FUT8: variants seen among roughly 807,000 people sequenced by gnomAD.
FUT8 encodes alpha-(1,6)-fucosyltransferase.
Under a neutral mutation model 71.3 loss-of-function variants are expected in FUT8, and 29 were observed. The observed-to-expected ratio is 0.41, with a 90% CI of 0.30 to 0.55. FUT8 has a LOEUF of 0.55. Ranked by LOEUF, FUT8 falls within the 20% of genes least tolerant of loss-of-function variation. FUT8 has a pLI of 0.34. For missense variants in FUT8, 544 were observed against 702.1 expected, an observed-to-expected ratio of 0.77 and a Z score of 2.55; for synonymous variants, 254 against 239.3, an observed-to-expected ratio of 1.06 and a Z score of -0.57.
chr14:65,440,475 C>G (rs2065637049), intron 1 of FUT8, among the ~76,000 whole-genome samples: 1 of 151,398 alleles, frequency 6.6e-6, no homozygotes, highest in Admixed American at 6.6e-5. Context: ...GCCACCATGC[C>G]CAGCTAGAGA....
intron 1 of FUT8, among the ~76,000 whole-genome samples, chr14:65,439,624 T>C (rs2065611446): frequency 6.6e-6 from 1 of 152,116 alleles, no homozygotes; most frequent in Non-Finnish European, 1.5e-5. Context: ...TCTCAGTTAT[T>C]CAAACAAATT....
At chr14:65,437,875 G>A (rs2065584957) in intron 1 of FUT8, among the ~76,000 whole-genome samples, 2 of 152,156 alleles carry the variant, frequency 1.3e-5, no homozygotes, top group South Asian at 2.1e-4. Flanking sequence ...AGGAAGTAAT[G>A]TAGAAGTCTT....
At chr14:65,536,958 A>ATCT (rs997994740) in intron 2 of FUT8, among the ~76,000 whole-genome samples, 4 of 131,360 alleles carry the variant, frequency 3.0e-5, no homozygotes, top group African/African-American at 5.6e-5. Context: ...TTTGTTCTTC[A>ATCT]TCTTCTTCTT....
At chr14:65,690,635 C>T (rs1013233608) in intron 7 of FUT8, among the ~76,000 whole-genome samples, 3 of 150,992 alleles carry the variant, frequency 2.0e-5, no homozygotes, top group Non-Finnish European at 2.9e-5. Flanking sequence ...CTTTATCTCT[C>T]TCTCTCTCTC....
Position 65,669,628 on chromosome 14 carries a change from A to G in FUT8, c.835+148A>G. On this transcript the variant is annotated intron_variant, in intron 7 of 10. Transcript: ENST00000673929. The surrounding 1 kb of genome is among the most constrained non-coding windows in gnomAD (Gnocchi z 4.5). ...ACATTATCCAGATAAAATCTAGAAG[A>G]ACAGTATTTTATCTTAAAAGTATTT... is the stretch of plus-strand genomic sequence containing the variant. 1.9e-6 allele frequency: 1 copy of G among 539,724 alleles called. No individual in the cohort carries two copies. The highest frequency in any genetic ancestry group is 3.2e-6 in the Non-Finnish European group (1 of 308,312). 33.4% of individuals were successfully genotyped at this position (539,724 alleles called of 1,614,324 possible). A position where few individuals can be genotyped will look rare whatever the true frequency, so the allele number is the denominator to read the frequency against.
intron 1 of FUT8, among the ~76,000 whole-genome samples, chr14:65,441,979 G>T (rs910202540): frequency 1.3e-5 from 2 of 151,886 alleles, no homozygotes; most frequent in Non-Finnish European, 2.9e-5. Flanking sequence ...CCCGGTGTGT[G>T]ATGTTCCCCA....
intron 1 of FUT8, among the ~76,000 whole-genome samples, chr14:65,415,840 CG>C (rs2139360530): frequency 1.3e-5 from 2 of 152,212 alleles, no homozygotes; most frequent in Admixed American, 1.3e-4. Context: ...CCTTTGAATA[CG>C]AAGCAGTTGT....
In FUT8 at chr14:65,603,627, C is replaced by T. The variant is rs538831521; in HGVS notation, c.204-12351C>T. On this transcript the variant is annotated intron_variant, in intron 3 of 10. Coordinates refer to ENST00000673929, the MANE Select transcript of FUT8 (RefSeq NM_001371533.1). The surrounding 1 kb of genome is among the most constrained non-coding windows in gnomAD (Gnocchi z 4.5). Reference sequence around the variant, plus strand: ...CTAATTGAGCTTCTTTGGATCTTCTCTCTTCTTTTCTTGGTTAATCTTGCT... The same window carrying T: ...CTAATTGAGCTTCTTTGGATCTTCTTTCTTCTTTTCTTGGTTAATCTTGCT... Among the ~76,000 whole-genome samples the T allele has an allele frequency of 6.6e-5, 10 of 151,732 alleles. No individual in the cohort carries two copies. Among genetic ancestry groups the T allele is most frequent in the African/African-American group, 2.4e-4 (10 of 41,354 alleles).
chr14:65,617,389 A>T (rs1047022244), intron 5 of FUT8, among the ~76,000 whole-genome samples: 3 of 152,216 alleles, frequency 2.0e-5, no homozygotes, highest in Non-Finnish European at 2.9e-5. Context: ...AGACTTTTTG[A>T]TATATTTAGC....
intron 3 of FUT8, among the ~76,000 whole-genome samples, chr14:65,614,316 T>C (rs1366525848): frequency 1.3e-5 from 2 of 152,238 alleles, no homozygotes; most frequent in Non-Finnish European, 2.9e-5. Flanking sequence ...TAAGTACTTT[T>C]ACAGACATTT....
At chr14:65,678,453 A>C (rs1892872970) in intron 7 of FUT8, among the ~76,000 whole-genome samples, 1 of 152,216 alleles carries the variant, frequency 6.6e-6, no homozygotes, top group African/African-American at 2.4e-5. Flanking sequence ...TTTCTGGGAC[A>C]GGGTTGCCTT....
chr14:65,665,911 C>G (rs1892188879), intron 6 of FUT8, among the ~76,000 whole-genome samples: 1 of 152,008 alleles, frequency 6.6e-6, no homozygotes, highest in Non-Finnish European at 1.5e-5. Flanking sequence ...ATGGGCACCA[C>G]AGACACTGGG....
chr14:65,689,505 A>G (rs1015173560), intron 7 of FUT8, among the ~76,000 whole-genome samples: 3 of 152,080 alleles, frequency 2.0e-5, no homozygotes, highest in Non-Finnish European at 4.4e-5. Flanking sequence ...TCTCTTAACT[A>G]TGTCTCATAG....
At chr14:65,655,910 C>T (rs1333973887) in intron 6 of FUT8, among the ~76,000 whole-genome samples, 1 of 152,166 alleles carries the variant, frequency 6.6e-6, no homozygotes, top group Non-Finnish European at 1.5e-5. Context: ...AATTTAACTT[C>T]CCTTCATGAT....
chr14:65,677,114 T>TGTGTG (rs1892754524), intron 7 of FUT8, among the ~76,000 whole-genome samples: 1 of 110,216 alleles, frequency 9.1e-6, no homozygotes, highest in Non-Finnish European at 1.8e-5. Flanking sequence ...AAAGACATAT[T>TGTGTG]TGTGTGTGTG....
the FUT8 span, among the ~76,000 whole-genome samples, chr14:65,362,772 C>G: frequency 6.6e-6 from 1 of 151,608 alleles, no homozygotes; most frequent in Admixed American, 6.6e-5. Flanking sequence ...ACCATCCTGG[C>G]TAACATGGTG....
chr14:65,611,706 G>T (rs1434810410), intron 3 of FUT8, among the ~76,000 whole-genome samples: 1 of 151,906 alleles, frequency 6.6e-6, no homozygotes, highest in Non-Finnish European at 1.5e-5. Context: ...TGCCACCCCG[G>T]CTGGAGTTCA....
intron 2 of FUT8, among the ~76,000 whole-genome samples, chr14:65,523,520 A>G (rs567506347): frequency 2.3e-3 from 352 of 152,196 alleles, no homozygotes; most frequent in Non-Finnish European, 4.2e-3. Context: ...CCCATTCTGT[A>G]GGTTGCCTGT....
intron 2 of FUT8, among the ~76,000 whole-genome samples, chr14:65,509,747 G>A (rs1428177804): frequency 2.0e-5 from 3 of 151,970 alleles, no homozygotes; most frequent in African/African-American, 7.2e-5. Context: ...ATATAGAAAT[G>A]CTACTTATTT....
Sources: gnomAD v4.1 joint callset for allele counts (sites outside exome capture counted in the v4.1 genomes callset) on GRCh38, gnomAD v4.1.1 for gene constraint, Gnocchi (gnomAD v3.1) non-coding constraint, MANE v1.5 for transcripts, NCBI Gene and HGNC (gene_info 2026-07-23, HGNC 2026-07-21) for gene names.